The following VCAN variants were observed in gnomAD, a reference collection of about 807,000 sequenced individuals.
VCAN encodes the protein versican core protein.
VCAN carries 44 observed loss-of-function variants against 245.5 expected under a neutral mutation model. That is an observed-to-expected ratio of 0.18 (90% CI 0.14 to 0.23). The LOEUF is 0.23. Among genes scored for constraint, VCAN ranks in the 10% least tolerant of loss-of-function variants. The probability of loss-of-function intolerance (pLI) is 1.00; values close to 1 mark genes in which losing one functional copy is unlikely to be tolerated. For synonymous variants in VCAN, 1,413 were observed against 1,437.0 expected (o/e 0.98, Z 0.38); for missense variants, 3,793 against 4,057.9 (o/e 0.93, Z 1.77).
At chr5:83,561,120 T>C (rs756211597) in intron 12 of VCAN, among the ~76,000 whole-genome samples, 1 of 152,176 alleles carries the variant, frequency 6.6e-6, no homozygotes, top group Non-Finnish European at 1.5e-5. Context: ...CTGTCATCTC[T>C]ACATTGTCAG....
chr5:83,556,428 T>C (rs1747669077), intron 12 of VCAN, among the ~76,000 whole-genome samples: 2 of 152,196 alleles, frequency 1.3e-5, no homozygotes, highest in South Asian at 4.1e-4. Flanking sequence ...CTGTCACCAC[T>C]GTTTATGTTT....
At chr5:83,559,541 T>C (rs1333622582) in intron 12 of VCAN, among the ~76,000 whole-genome samples, 4 of 152,100 alleles carry the variant, frequency 2.6e-5, no homozygotes, top group Admixed American at 2.0e-4. Context: ...GTTTAGCATA[T>C]TCTCACGTCT....
intron 5 of VCAN, among the ~76,000 whole-genome samples, chr5:83,498,654 C>G (rs1453663898): frequency 6.6e-6 from 1 of 152,142 alleles, no homozygotes; most frequent in Admixed American, 6.5e-5. Context: ...ACCAAAAGAA[C>G]AAATACGTGA....
intron 12 of VCAN, among the ~76,000 whole-genome samples, chr5:83,563,012 T>C (rs1747930919): frequency 6.6e-6 from 1 of 152,156 alleles, no homozygotes; most frequent in African/African-American, 2.4e-5. Flanking sequence ...AATGGGCATA[T>C]TGCCACTTTA....
intron 12 of VCAN, among the ~76,000 whole-genome samples, chr5:83,560,113 A>G (rs562841440): frequency 6.6e-6 from 1 of 152,256 alleles, no homozygotes; most frequent in South Asian, 2.1e-4. Flanking sequence ...AGAAATGATG[A>G]CAATTTTGTC....
chr5:83,559,174 A>C lies in VCAN; in HGVS notation c.9735+4136A>C, dbSNP rs1747772887. ...AAACCATCCAAGTTAAATATACATT[A>C]AAGCTGGCAAACTTAAACAAACTTT... On this transcript the variant is annotated intron_variant, in intron 12 of 14. Transcript: ENST00000265077. 3.3e-5 allele frequency among the ~76,000 whole-genome samples: 5 copies of C among 152,220 alleles called. No homozygotes were observed. In the South Asian group the frequency reaches 1.0e-3, roughly 31 times the overall value.
Position 83,572,510 on chromosome 5 carries a change from A to G in VCAN, c.9830A>G (p.Asn3277Ser). Residue 3277 changes from asparagine (N) to serine (S), a missense_variant, in exon 13 of 15, where the codon AAT becomes AGT. This residue lies in a region of VCAN where 205 missense variants were observed against 321.1 expected (regional missense o/e 0.64). Transcript: ENST00000265077. The stretch of plus-strand genomic sequence containing the variant: ...ATTTGGCATGAGAATGGCCAGTGGA[A>G]TGATGTTCCCTGCAATTACCATCTC... The part of the protein sequence containing the change: ...VIIWHENGQW[N>S]DVPCNYHLTY... The G allele has an allele frequency of 1.2e-6, 2 of 1,613,910 alleles. No homozygotes were observed. The highest frequency in any genetic ancestry group is 1.7e-6 in the Non-Finnish European group (2 of 1,179,870).
intron 3 of VCAN, among the ~76,000 whole-genome samples, chr5:83,493,203 G>A (rs912882157): frequency 6.6e-6 from 1 of 152,202 alleles, no homozygotes; most frequent in African/African-American, 2.4e-5. Flanking sequence ...ATCTTCTGCA[G>A]AATCTACTCC....
chr5:83,574,900 T>C (rs886759422), intron 13 of VCAN, among the ~76,000 whole-genome samples: 4 of 152,162 alleles, frequency 2.6e-5, no homozygotes, highest in African/African-American at 9.7e-5. Context: ...AAGGTGTGTT[T>C]ATCATTGGCC....
chr5:83,550,889 A>AAAAT (rs1747435256), intron 10 of VCAN, among the ~76,000 whole-genome samples: 1 of 143,376 alleles, frequency 7.0e-6, no homozygotes, highest in Non-Finnish European at 1.5e-5. Context: ...CTCCATCTCA[A>AAAAT]AAAAAAAAAA....
chr5:83,568,578 G>T (rs764753061), intron 12 of VCAN, among the ~76,000 whole-genome samples: 2 of 152,114 alleles, frequency 1.3e-5, no homozygotes, highest in African/African-American at 2.4e-5. Flanking sequence ...AAATGAGATG[G>T]TTATTGTTCA....
intron 12 of VCAN, among the ~76,000 whole-genome samples, chr5:83,564,035 T>C (rs1214180961): frequency 6.6e-6 from 1 of 151,994 alleles, no homozygotes; most frequent in Non-Finnish European, 1.5e-5. Context: ...AGAAAGAAAA[T>C]TCAGATTATG....
chr5:83,545,438 G>A (rs1427993119), intron 8 of VCAN, 99 bp from the exon 9 acceptor site: 9 of 906,608 alleles, frequency 9.9e-6, no homozygotes, highest in Non-Finnish European at 1.5e-5. Flanking sequence ...CTATGGTAAA[G>A]CCTATAATAT....
chr5:83,581,721 G>T lies in VCAN; in HGVS notation c.*1287G>T, dbSNP rs1748684198. The T allele has an allele frequency of 6.6e-6, 1 of 152,138 alleles. No homozygotes were observed. Among genetic ancestry groups the T allele is most frequent in the Admixed American group, 6.6e-5 (1 of 15,264 alleles). 9.4% of individuals were successfully genotyped at this position (152,138 alleles called of 1,614,324 possible). On this transcript the variant is annotated 3_prime_UTR_variant, in exon 15 of 15. Coordinates refer to ENST00000265077, the MANE Select transcript of VCAN (RefSeq NM_004385.5). Reference sequence around the variant, plus strand: ...TAGTGTGGGCATTTCTTCCTGTTAGGTGGAGTGTATGTGTTGACATTTCTC... The same window carrying T: ...TAGTGTGGGCATTTCTTCCTGTTAGTTGGAGTGTATGTGTTGACATTTCTC...
chr5:83,540,283 A>C lies in VCAN; in HGVS notation c.7280A>C (p.Glu2427Ala). 1 of 1,614,136 alleles carries C rather than the reference A, an allele frequency of 6.2e-7. No individual in the cohort carries two copies. The highest frequency in any genetic ancestry group is 2.2e-5 in the East Asian group (1 of 44,876). The change falls in exon 8 of 15, where the codon GAA becomes GCA. Residue 2427 changes from glutamate to alanine, a missense_variant. Glu to Ala is a moderately radical substitution (Grantham distance 107). Transcript: ENST00000265077. ...CCAAAACCATCTGACTTGTATTATG[A>C]ACCTTCTGGAGAAGGATCTGGAGAA... Reference protein sequence around the residue: ...SAPKPSDLYYEPSGEGSGEVD... With the variant: ...SAPKPSDLYYAPSGEGSGEVD...
At chr5:83,558,604 A>T (rs1188184760) in intron 12 of VCAN, among the ~76,000 whole-genome samples, 1 of 152,168 alleles carries the variant, frequency 6.6e-6, no homozygotes, top group Non-Finnish European at 1.5e-5. Context: ...ATTTTACTCA[A>T]ATAATTAAAC....
chr5:83,578,392 T>A (rs1216889033), intron 13 of VCAN, among the ~76,000 whole-genome samples: 1 of 152,054 alleles, frequency 6.6e-6, no homozygotes, highest in Non-Finnish European at 1.5e-5. Flanking sequence ...TTAGGCTTAG[T>A]ACCTGGGTGA....
chr5:83,520,115 C>T lies in VCAN; in HGVS notation c.1809C>T (p.Ser603=), dbSNP rs1746022458. Reference sequence around the variant, plus strand: ...AAGACTTGGAGTCAGTCTCAGCATCCACAACTGTTTCCCCTTTAATTATGC... The same window carrying T: ...AAGACTTGGAGTCAGTCTCAGCATCTACAACTGTTTCCCCTTTAATTATGC... ...HLEDLESVSA[S]TTVSPLIMPD... The change falls in exon 7 of 15, where the codon TCC becomes TCT. Residue 603 remains serine, a synonymous_variant. Transcript: ENST00000265077. 1 of 1,614,048 alleles carries T rather than the reference C, an allele frequency of 6.2e-7. No individual in the cohort carries two copies. The highest frequency in any genetic ancestry group is 1.1e-5 in the South Asian group (1 of 91,076).
At chr5:83,512,049 G>A in intron 5 of VCAN, 54 bp from the exon 6 acceptor site, 1 of 1,609,286 alleles carries the variant, frequency 6.2e-7, no homozygotes, top group Non-Finnish European at 8.5e-7. Flanking sequence ...TTATCCAACA[G>A]GAAAGGAATG....
Sources: allele counts gnomAD v4.1 joint callset (sites outside exome capture counted in the v4.1 genomes callset), GRCh38; gene constraint gnomAD v4.1.1; regional missense constraint gnomAD v4.1.1; transcripts MANE v1.5; gene names NCBI Gene and HGNC (gene_info 2026-07-23, HGNC 2026-07-21).